Variants in DAB1 observed in about 807,000 individuals in gnomAD.
DAB1 encodes disabled homolog 1.
DAB1 carries 15 observed loss-of-function variants against 64.6 expected under a neutral mutation model. The ratio of observed to expected loss-of-function variants is 0.23; its 90% CI spans 0.16 to 0.36. The LOEUF is 0.36. Among genes scored for constraint, DAB1 ranks in the 10% least tolerant of loss-of-function variants. The pLI, the probability that DAB1 is intolerant of heterozygous loss-of-function variation, is 1.00. For missense variants in DAB1, 596 were observed against 706.7 expected (o/e 0.84, Z 1.78); for synonymous variants, 235 against 251.9 (o/e 0.93, Z 0.64).
At chr1:57,815,377 AT>A (rs1181832023) in intron 6 of DAB1, among the ~76,000 whole-genome samples, 1 of 152,124 alleles carries the variant, frequency 6.6e-6, no homozygotes, top group Admixed American at 6.5e-5. Flanking sequence ...CAAAACTACA[AT>A]TTTCCAAACA....
intron 2 of DAB1, among the ~76,000 whole-genome samples, chr1:57,210,262 G>A (rs1178970629): frequency 6.6e-6 from 1 of 152,072 alleles, no homozygotes; most frequent in African/African-American, 2.4e-5. Context: ...AAAGAATAAT[G>A]TCTACTGCTA....
intron 1 of DAB1, among the ~76,000 whole-genome samples, chr1:57,301,963 C>T (rs141903924): frequency 6.6e-6 from 1 of 152,188 alleles, no homozygotes; most frequent in African/African-American, 2.4e-5. Context: ...TTCCTCTCAT[C>T]ACTGATAACC....
At position 57,136,586 on chromosome 1, in the gene DAB1, G is replaced by A. The variant is rs757081851; in HGVS notation, c.263C>T (p.Thr88Ile). ...GATTTTGATTCCTCCAAAGGAGATG[G>A]TTAAAAAGATTTTCTGTTTGTGTTC... ...KGEHKQKIFL[T>I]ISFGGIKIFD... Residue 88 changes from threonine (T) to isoleucine (I), a missense_variant, in exon 4 of 15, where the codon ACC (threonine) becomes ATC (isoleucine). This residue lies in a region of DAB1 where 176 missense variants were observed against 266.7 expected (regional missense o/e 0.66). Coordinates refer to ENST00000371236, the MANE Select transcript of DAB1 (RefSeq NM_001365792.1). The A allele has an allele frequency of 1.9e-6, 3 of 1,546,046 alleles. No homozygotes were observed. The highest frequency in any genetic ancestry group is 3.5e-5 in the Admixed American group (2 of 57,786).
intron 5 of DAB1, among the ~76,000 whole-genome samples, chr1:58,069,830 T>C (rs1429507259): frequency 6.6e-6 from 1 of 152,206 alleles, no homozygotes; most frequent in Non-Finnish European, 1.5e-5. Context: ...GTGGAGGGCT[T>C]GAGTCAGGCT....
chr1:57,641,508 C>T (rs1337990183), intron 7 of DAB1, among the ~76,000 whole-genome samples: 8 of 151,432 alleles, frequency 5.3e-5, no homozygotes, highest in African/African-American at 1.5e-4. Context: ...CTCAGCCTCC[C>T]GAGTAGCTGG....
At chr1:57,618,410 C>CAAAAAAA (rs11284763) in intron 7 of DAB1, among the ~76,000 whole-genome samples, 1 of 119,836 alleles carries the variant, frequency 8.3e-6, no homozygotes, top group African/African-American at 3.2e-5. Context: ...GTGAGACTGT[C>CAAAAAAA]AAAAAAAAAA....
intron 6 of DAB1, among the ~76,000 whole-genome samples, chr1:57,654,809 T>A (rs1170873541): frequency 6.6e-6 from 1 of 152,232 alleles, no homozygotes; most frequent in Non-Finnish European, 1.5e-5. Context: ...ATTAAACACT[T>A]AATTTCCCTT....
intron 2 of DAB1, among the ~76,000 whole-genome samples, chr1:57,149,335 A>T (rs920107240): frequency 2.6e-4 from 40 of 152,188 alleles, no homozygotes; most frequent in Non-Finnish European, 7.3e-5. Context: ...TTCTCTTAAA[A>T]TTATTCCGAA....
intron 5 of DAB1, among the ~76,000 whole-genome samples, chr1:58,121,651 T>G (rs1652743208): frequency 1.3e-5 from 2 of 152,192 alleles, no homozygotes; most frequent in African/African-American, 2.4e-5. Context: ...CATGTCTGCC[T>G]GCCCGACCCA....
chr1:57,995,721 C>G (rs1646414006), intron 5 of DAB1, among the ~76,000 whole-genome samples: 1 of 152,028 alleles, frequency 6.6e-6, no homozygotes, highest in African/African-American at 2.4e-5. Flanking sequence ...GGAAAAAGGA[C>G]TAGCGAGTTA....
chr1:57,743,510 T>C (rs755237912), intron 6 of DAB1, among the ~76,000 whole-genome samples: 11 of 152,234 alleles, frequency 7.2e-5, no homozygotes, highest in Admixed American at 3.9e-4. Flanking sequence ...TAAACAGCCA[T>C]GTTGCTCACA....
At chr1:57,615,793 C>A (rs938866240) in intron 7 of DAB1, among the ~76,000 whole-genome samples, 1 of 152,182 alleles carries the variant, frequency 6.6e-6, no homozygotes, top group Non-Finnish European at 1.5e-5. Flanking sequence ...GCTTTACCAA[C>A]TGAAAGCATC....
intron 4 of DAB1, among the ~76,000 whole-genome samples, chr1:58,328,555 G>T (rs1199128706): frequency 6.6e-6 from 1 of 152,160 alleles, no homozygotes; most frequent in Non-Finnish European, 1.5e-5. Flanking sequence ...CCCCCAGGCT[G>T]CTCAGGATCC....
At chr1:57,124,660 C>T (rs1042486471) in intron 4 of DAB1, among the ~76,000 whole-genome samples, 7 of 152,094 alleles carry the variant, frequency 4.6e-5, no homozygotes, top group African/African-American at 1.7e-4. Context: ...TTGCAATCTC[C>T]TAATTTTCTA....
chr1:57,845,505 G>A (rs1348919604), intron 1 of DAB1, among the ~76,000 whole-genome samples: 7 of 152,188 alleles, frequency 4.6e-5, no homozygotes, highest in African/African-American at 7.2e-5. Flanking sequence ...AGAGATTTGC[G>A]TTTAAGCCAG....
At chr1:57,033,453 C>G (rs746919110) in intron 9 of DAB1, 2 of 1,612,854 alleles carry the variant, frequency 1.2e-6, no homozygotes, top group Admixed American at 3.3e-5. Flanking sequence ...CAAGGCATGA[C>G]TGATGAGCAT....
chr1:57,369,396 AT>A (rs111601682), intron 1 of DAB1, among the ~76,000 whole-genome samples: 12,743 of 152,212 alleles, frequency 0.084, 593 homozygotes, highest in Middle Eastern at 0.12. Flanking sequence ...TCAGAAAAAC[AT>A]TTTTCCCTAT....
At chr1:57,916,803 C>T (rs1457872160) in intron 5 of DAB1, among the ~76,000 whole-genome samples, 1 of 152,092 alleles carries the variant, frequency 6.6e-6, no homozygotes, top group African/African-American at 2.4e-5. Flanking sequence ...ATTAGCCAGG[C>T]ATGGTCACGC....
At chr1:58,260,482 G>A (rs775534573) in intron 4 of DAB1, among the ~76,000 whole-genome samples, 33 of 152,180 alleles carry the variant, frequency 2.2e-4, no homozygotes, top group Middle Eastern at 3.4e-3. Context: ...ACATGGGGCC[G>A]TATGCCCATC....
Sources: allele counts gnomAD v4.1 joint callset (sites outside exome capture counted in the v4.1 genomes callset), GRCh38; gene constraint gnomAD v4.1.1; regional missense constraint gnomAD v4.1.1; transcripts MANE v1.5; gene names NCBI Gene and HGNC (gene_info 2026-07-23, HGNC 2026-07-21).